Variants in GLIS3 observed in about 807,000 individuals in gnomAD.
GLIS3 encodes the protein GLIS family zinc finger 3, also known as zinc finger protein GLIS3.
A neutral mutation model predicts 78.6 loss-of-function variants in GLIS3; 53 were observed. The ratio of observed to expected loss-of-function variants is 0.67; its 90% CI spans 0.54 to 0.85. The LOEUF is 0.85. Ranked by LOEUF, GLIS3 falls within the 40% of genes least tolerant of loss-of-function variation. The probability of loss-of-function intolerance (pLI) is 0.00; values close to 1 mark genes in which losing one functional copy is unlikely to be tolerated. For missense variants in GLIS3, 1,703 were observed against 1,231.1 expected (o/e 1.38, Z -5.74); for synonymous variants, 684 against 509.9 (o/e 1.34, Z -4.60).
intron 1 of GLIS3, among the ~76,000 whole-genome samples, chr9:4,288,387 G>A (rs1173174406): frequency 6.6e-6 from 1 of 152,134 alleles, no homozygotes; most frequent in Non-Finnish European, 1.5e-5. Flanking sequence ...ATAAAGAATT[G>A]TTCAACATGA....
At chr9:4,340,369 T>G (rs9987905) in intron 2 of GLIS3, among the ~76,000 whole-genome samples, 139,371 of 145,220 alleles carry the variant, frequency 0.96, 67,140 homozygotes, top group East Asian at 1. Flanking sequence ...TGAATAGAAG[T>G]GAGGGGGTGG....
Position 3,949,970 on chromosome 9 carries a change from C to T in GLIS3, c.1711-12781G>A, listed in dbSNP as rs148904843. ...CCCTACTGCCTATTCAACATCTCTA[C>T]ACTGAGGGCTCACAGGCATCTCAAA... On this transcript the variant is annotated intron_variant, in intron 4 of 10. Transcript: ENST00000381971. 3.7e-3 allele frequency among the ~76,000 whole-genome samples: 568 copies of T among 152,334 alleles called. 6 individuals carry two copies. Among genetic ancestry groups the T allele is most frequent in the African/African-American group, 0.013 (556 of 41,576 alleles).
At chr9:4,424,357 T>C in the GLIS3 span, among the ~76,000 whole-genome samples, 1 of 152,174 alleles carries the variant, frequency 6.6e-6, no homozygotes, top group Non-Finnish European at 1.5e-5. Flanking sequence ...TTTTAAGCCC[T>C]CTTGAAGCTG....
intron 4 of GLIS3, among the ~76,000 whole-genome samples, chr9:4,024,957 A>G (rs1823202033): frequency 6.6e-6 from 1 of 152,152 alleles, no homozygotes; most frequent in Non-Finnish European, 1.5e-5. Context: ...GAGTAATAGA[A>G]CATACTCAAG....
chr9:4,134,371 A>T (rs1300549072), intron 2 of GLIS3, among the ~76,000 whole-genome samples: 1 of 152,218 alleles, frequency 6.6e-6, no homozygotes, highest in Admixed American at 6.5e-5. Flanking sequence ...CACCTCCTTC[A>T]AAAGCAAATA....
intron 2 of GLIS3, among the ~76,000 whole-genome samples, chr9:4,175,652 C>A (rs1324215739): frequency 6.6e-6 from 1 of 152,188 alleles, no homozygotes; most frequent in Non-Finnish European, 1.5e-5. Flanking sequence ...CTACCCAAGT[C>A]CCCACTGTAC....
chr9:4,364,139 G>A, the GLIS3 span, among the ~76,000 whole-genome samples: 1 of 152,090 alleles, frequency 6.6e-6, no homozygotes, highest in Non-Finnish European at 1.5e-5. Flanking sequence ...ATATCCAAGG[G>A]TCTCATTCTA....
chr9:4,432,217 AGG>A, the GLIS3 span, among the ~76,000 whole-genome samples: 3 of 138,894 alleles, frequency 2.2e-5, no homozygotes, highest in East Asian at 1.1e-3. Context: ...GTCAGTGTAT[AGG>A]AGTTGCCAAT....
chr9:4,337,613 G>A (rs1171081427), intron 2 of GLIS3, among the ~76,000 whole-genome samples: 1 of 152,090 alleles, frequency 6.6e-6, no homozygotes, highest in African/African-American at 2.4e-5. Context: ...CTGACATGCT[G>A]AGTTGGACAA....
At chr9:4,407,199 A>G in the GLIS3 span, among the ~76,000 whole-genome samples, 2 of 152,254 alleles carry the variant, frequency 1.3e-5, no homozygotes, top group African/African-American at 2.4e-5. Context: ...GGGAAAAGAT[A>G]GTCTCTTCAA....
chr9:4,155,595 G>A (rs933014795), intron 2 of GLIS3, among the ~76,000 whole-genome samples: 8 of 152,130 alleles, frequency 5.3e-5, no homozygotes, highest in Admixed American at 6.5e-5. Context: ...ATTAGTCACC[G>A]GTTATCTTTT....
chr9:4,043,128 C>G (rs1662481184), intron 4 of GLIS3, among the ~76,000 whole-genome samples: 1 of 152,170 alleles, frequency 6.6e-6, no homozygotes, highest in Non-Finnish European at 1.5e-5. Flanking sequence ...CCCTCCCCTT[C>G]CCACAGCCCC....
chr9:3,848,204 TA>T (rs1410933133), intron 9 of GLIS3, among the ~76,000 whole-genome samples: 2 of 152,166 alleles, frequency 1.3e-5, no homozygotes, highest in Non-Finnish European at 2.9e-5. Flanking sequence ...AATCAGCCTT[TA>T]AAAACAACCT....
chr9:4,335,058 G>A (rs906932019), intron 2 of GLIS3, among the ~76,000 whole-genome samples: 3 of 151,906 alleles, frequency 2.0e-5, no homozygotes, highest in South Asian at 4.2e-4. Flanking sequence ...ACAGGCGCCC[G>A]CCACTATACC....
At position 4,225,003 on chromosome 9, in the gene GLIS3, T is replaced by A. The variant is rs1195944082; in HGVS notation, c.388+61035A>T. 2.6e-5 allele frequency among the ~76,000 whole-genome samples: 4 copies of A among 152,118 alleles called. No individual in the cohort carries two copies. In the South Asian group the frequency reaches 8.3e-4, roughly 32 times the overall value. On this transcript the variant is annotated intron_variant, in intron 2 of 10. Transcript: ENST00000381971. ...AATATACTATTTATATAGATCTTCC[T>A]ACTATTTTTCTGGTAAGCCTTCACA...
At chr9:4,419,513 G>A in the GLIS3 span, among the ~76,000 whole-genome samples, 3 of 152,184 alleles carry the variant, frequency 2.0e-5, no homozygotes, top group Non-Finnish European at 4.4e-5. Flanking sequence ...GCTCTGGCCA[G>A]GTGCGGTGGC....
intron 3 of GLIS3, among the ~76,000 whole-genome samples, chr9:4,119,140 T>A (rs1331880568): frequency 6.6e-6 from 1 of 152,208 alleles, no homozygotes; most frequent in Non-Finnish European, 1.5e-5. Context: ...TTATAAATAA[T>A]CTTAATACTT....
chr9:4,191,053 C>A (rs572156468), intron 2 of GLIS3, among the ~76,000 whole-genome samples: 9 of 151,934 alleles, frequency 5.9e-5, no homozygotes, highest in Admixed American at 1.3e-4. Flanking sequence ...TGGAAAGGAA[C>A]AACTGGTACC....
At chr9:4,367,605 G>A in the GLIS3 span, among the ~76,000 whole-genome samples, 8 of 123,322 alleles carry the variant, frequency 6.5e-5, no homozygotes, top group African/African-American at 2.6e-4. Context: ...CTGCACTCCA[G>A]CCCGGGCAAC....
Sources: gnomAD v4.1 joint callset for allele counts (sites outside exome capture counted in the v4.1 genomes callset) on GRCh38, gnomAD v4.1.1 for gene constraint, MANE v1.5 for transcripts, NCBI Gene and HGNC (gene_info 2026-07-23, HGNC 2026-07-21) for gene names.